The following SPEG variants were observed in gnomAD, a reference collection of about 807,000 sequenced individuals.
SPEG encodes the protein striated muscle preferentially expressed protein kinase.
A neutral mutation model predicts 300.4 loss-of-function variants in SPEG; 114 were observed. The observed-to-expected ratio is 0.38, with a 90% CI of 0.33 to 0.44. The LOEUF (loss-of-function observed/expected upper bound fraction) is 0.44, where lower values mean the gene tolerates loss of function less well. Among genes scored for constraint, SPEG ranks in the 20% least tolerant of loss-of-function variants. The pLI, the probability that SPEG is intolerant of heterozygous loss-of-function variation, is 1.00. For missense variants in SPEG, 4,201 were observed against 4,586.2 expected (o/e 0.92, Z 2.43); for synonymous variants, 1,964 against 2,018.9 (o/e 0.97, Z 0.73).
chr2:219,485,003 C>G lies in SPEG; in HGVS notation c.7540C>G (p.Gln2514Glu). Residue 2514 changes from glutamine to glutamate, a missense_variant, in exon 30 of 41, where the codon CAG becomes GAG. Transcript: ENST00000312358. ...CCTTCCGCACAACCAGTTGGCCGCCCAGGCCGGCGCCACCACGCCTTCCGC... is the reference window on the plus strand; with the variant it reads ...CCTTCCGCACAACCAGTTGGCCGCCGAGGCCGGCGCCACCACGCCTTCCGC... The part of the protein sequence containing the change: ...LGLPHNQLAA[Q>E]AGATTPSAES... 2 of 1,531,470 alleles carry G rather than the reference C, an allele frequency of 1.3e-6. No homozygotes were observed. The highest frequency in any genetic ancestry group is 2.4e-5 in the South Asian group (2 of 83,800). The allele number at this position is 1,531,470 out of a possible 1,614,324, so 94.9% of individuals were successfully genotyped here. A position where few individuals can be genotyped will look rare whatever the true frequency, so the allele number is the denominator to read the frequency against.
rs1002453520 is a variant in SPEG at position 219,448,841 on chromosome 2, G to A, written c.1683G>A (p.Ala561=). The change falls in exon 4 of 41, where the codon GCG becomes GCA. Residue 561 remains alanine (A), a synonymous_variant. Coordinates refer to ENST00000312358, the MANE Select transcript of SPEG (RefSeq NM_005876.5). The part of the protein sequence containing the change: ...AAAQPPSPSS[A]EKPGDEPGRP... ...CCCAGCCGCCCTCTCCGAGCAGCGCGGAGAAGCCGGGGGACGAGCCTGGGA... is the reference window on the plus strand; with the variant it reads ...CCCAGCCGCCCTCTCCGAGCAGCGCAGAGAAGCCGGGGGACGAGCCTGGGA... The A allele has an allele frequency of 1.8e-5, 25 of 1,400,540 alleles. No homozygotes were observed. The highest frequency in any genetic ancestry group is 1.3e-4 in the Admixed American group (4 of 30,510). The allele number at this position is 1,400,540 out of a possible 1,614,324, so 86.8% of individuals were successfully genotyped here.
Position 219,472,974 on chromosome 2 carries a change from C to G in SPEG, c.4025C>G (p.Pro1342Arg). ...WTALVTGLRE[P>R]GWAATGLRKG... ...GCACTGGTCACAGGCCTGCGGGAGC[C>G]AGGGTGGGCAGCCACAGGGCTGCGT... Residue 1342 changes from proline to arginine, a missense_variant, in exon 16 of 41, where the codon CCA (proline) becomes CGA (arginine). Pro to Arg is a moderately radical substitution (Grantham distance 103). Coordinates refer to ENST00000312358, the MANE Select transcript of SPEG (RefSeq NM_005876.5). 1 of 1,613,840 alleles carries G rather than the reference C, an allele frequency of 6.2e-7. No individual in the cohort carries two copies. The highest frequency in any genetic ancestry group is 8.5e-7 in the Non-Finnish European group (1 of 1,180,018).
rs1691106495 is a variant in SPEG, at chr2:219,464,800, A to G, written c.2881+192A>G. On this transcript the variant is annotated intron_variant, in intron 9 of 40. Coordinates refer to ENST00000312358, the MANE Select transcript of SPEG (RefSeq NM_005876.5). This position sits in a 1 kb window ranked among gnomAD's most constrained non-coding sequence, Gnocchi z 4.5. ...CAGGAAGTGACCTGCCCAAAGCTGC[A>G]CAGCACATTGTTCCGTGCTCAGCTT... 3 of 593,760 alleles carry G rather than the reference A, an allele frequency of 5.1e-6. No individual in the cohort carries two copies. The highest frequency in any genetic ancestry group is 9.0e-6 in the Non-Finnish European group (3 of 334,142). The allele number at this position is 593,760 out of a possible 1,614,324, so 36.8% of individuals were successfully genotyped here. A position where few individuals can be genotyped will look rare whatever the true frequency, so the allele number is the denominator to read the frequency against.
chr2:219,440,559 T>C (rs1489735923), intron 1 of SPEG, among the ~76,000 whole-genome samples: 1 of 133,604 alleles, frequency 7.5e-6, no homozygotes, highest in Non-Finnish European at 1.6e-5. Context: ...GTATTTATTT[T>C]ATTTTATTTA....
intron 4 of SPEG, among the ~76,000 whole-genome samples, chr2:219,450,514 G>A (rs1355714427): frequency 1.3e-5 from 2 of 152,210 alleles, no homozygotes; most frequent in Non-Finnish European, 2.9e-5. Flanking sequence ...CCTGTAAGCA[G>A]GGACCACTGG....
In SPEG at chr2:219,444,622, G is replaced by T. The variant is rs960550780; in HGVS notation, c.389-31G>T. ...AAGAGTTGGAGGCAGAGGGAGGAGG[G>T]CCCTGCCCACACAGACCCCTTCTTC... is the stretch of plus-strand genomic sequence containing the variant. On this transcript the variant is annotated intron_variant, in intron 1 of 40. Coordinates refer to ENST00000312358, the MANE Select transcript of SPEG (RefSeq NM_005876.5). The surrounding 1 kb of genome is among the most constrained non-coding windows in gnomAD (Gnocchi z 7.8). 1 of 1,589,770 alleles carries T rather than the reference G, an allele frequency of 6.3e-7. No homozygotes were observed. Among genetic ancestry groups the T allele is most frequent in the Non-Finnish European group, 8.6e-7 (1 of 1,158,334 alleles).
intron 10 of SPEG, among the ~76,000 whole-genome samples, chr2:219,468,303 G>A (rs1320499373): frequency 6.6e-6 from 1 of 152,084 alleles, no homozygotes; most frequent in Admixed American, 6.5e-5. Flanking sequence ...GGTGAGGGGA[G>A]GAGGGGGGAG....
In SPEG at chr2:219,480,769, C is replaced by T. The variant is rs931977066; in HGVS notation, c.5369+72C>T. The T allele has an allele frequency of 2.0e-5, 29 of 1,435,478 alleles. No homozygotes were observed. The African/African-American group carries it at 3.5e-4, about 17-fold the overall frequency. The allele number at this position is 1,435,478 out of a possible 1,614,324, so 88.9% of individuals were successfully genotyped here. A position where few individuals can be genotyped will look rare whatever the true frequency, so the allele number is the denominator to read the frequency against. ...CCCTAACCTTTGCAGGGCTGCAGCC[C>T]ACCCCCTTCTCTTCCGCACCCCCCA... On this transcript the variant is annotated intron_variant, in intron 26 of 40. Transcript: ENST00000312358. This position sits in a 1 kb window ranked among gnomAD's most constrained non-coding sequence, Gnocchi z 5.3.
chr2:219,443,505 G>A lies in SPEG; in HGVS notation c.389-1148G>A. Reference sequence around the variant, plus strand: ...TGAGGCACAGAACCTGCTAGAATCTGGGAAAGTTGAAAATACTCCCAGGAA... The same window carrying A: ...TGAGGCACAGAACCTGCTAGAATCTAGGAAAGTTGAAAATACTCCCAGGAA... On this transcript the variant is annotated intron_variant, in intron 1 of 40. Coordinates refer to ENST00000312358, the MANE Select transcript of SPEG (RefSeq NM_005876.5). The surrounding 1 kb of genome is among the most constrained non-coding windows in gnomAD (Gnocchi z 4.6). 2.8e-6 allele frequency: 1 copy of A among 359,954 alleles called. No individual in the cohort carries two copies. The highest frequency in any genetic ancestry group is 5.2e-6 in the Non-Finnish European group (1 of 192,942). The allele number at this position is 359,954 out of a possible 1,614,324, so 22.3% of individuals were successfully genotyped here.
In SPEG at chr2:219,443,743, GGTGTGTGTGTGTGTGTGTGCAT is replaced by G; in HGVS notation, c.389-898_389-877del. ...TCTGCGGCTGGACTGGACACAAGCA[GGTGTGTGTGTGTGTGTGTGCAT>G]GTGTGTGTGTGGCCAGTGGCAGCAC... On this transcript the variant is annotated intron_variant, in intron 1 of 40. Transcript: ENST00000312358. The surrounding 1 kb of genome is among the most constrained non-coding windows in gnomAD (Gnocchi z 4.6). 3 of 325,482 alleles carry G rather than the reference GGTGTGTGTGTGTGTGTGTGCAT, an allele frequency of 9.2e-6. No homozygotes were observed. Among genetic ancestry groups the G allele is most frequent in the South Asian group, 7.1e-5 (3 of 42,330 alleles). 20.2% of individuals were successfully genotyped at this position (325,482 alleles called of 1,614,324 possible).
chr2:219,484,341 G>C lies in SPEG; in HGVS notation c.6878G>C (p.Arg2293Pro). The C allele has an allele frequency of 6.2e-7, 1 of 1,604,444 alleles. No individual in the cohort carries two copies. Among genetic ancestry groups the C allele is most frequent in the East Asian group, 2.2e-5 (1 of 44,690 alleles). Residue 2293 changes from arginine to proline, a missense_variant, in exon 30 of 41, where the codon CGC (arginine) becomes CCC (proline). Transcript: ENST00000312358. ...ASPPPGAPEK[R>P]VPSAGGPPVL... Reference sequence around the variant, plus strand: ...CCACCTCCGGGAGCCCCCGAGAAGCGCGTGCCCTCAGCCGGGGGTCCCCCG... The same window carrying C: ...CCACCTCCGGGAGCCCCCGAGAAGCCCGTGCCCTCAGCCGGGGGTCCCCCG...
intron 1 of SPEG, 72 bp downstream of exon 1, chr2:219,435,437 C>A: frequency 7.0e-7 from 1 of 1,437,732 alleles, no homozygotes; most frequent in South Asian, 1.4e-5. Flanking sequence ...GCCCAGGCCA[C>A]GCGGGTAAGG....
Position 219,483,645 on chromosome 2 carries a change from G to A in SPEG, c.6182G>A (p.Gly2061Asp). 1 of 1,528,016 alleles carries A rather than the reference G, an allele frequency of 6.5e-7. No individual in the cohort carries two copies. The highest frequency in any genetic ancestry group is 8.7e-7 in the Non-Finnish European group (1 of 1,144,552). 94.7% of individuals were successfully genotyped at this position (1,528,016 alleles called of 1,614,324 possible). ...CTGGCCCGGGGAGGCCTGGGTGAGG[G>A]CGAGTATGCCCAGAGGCTGCAGGCC... ...TRLARGGLGE[G>D]EYAQRLQALR... Residue 2061 changes from glycine to aspartate, a missense_variant, in exon 30 of 41, where the codon GGC becomes GAC. Physicochemically the swap from Gly to Asp is moderately conservative, Grantham distance 94. Transcript: ENST00000312358.
Position 219,444,878 on chromosome 2 carries a change from A to G in SPEG, c.532A>G (p.Thr178Ala), listed in dbSNP as rs1488187281. The part of the protein sequence containing the change: ...TSLDTPPTSV[T>A]GTSEEQVSWW... ...CCTGGACACACCCCCGACCTCCGTG[A>G]CAGGCACCTCAGAGGAGCAAGTGAG... The change falls in exon 3 of 41, where the codon ACA becomes GCA. Residue 178 changes from threonine (T) to alanine (A), a missense_variant. By Grantham distance (58) the Thr-to-Ala change is moderately conservative. Transcript: ENST00000312358. This position sits in a 1 kb window ranked among gnomAD's most constrained non-coding sequence, Gnocchi z 7.8. The G allele has an allele frequency of 6.4e-7, 1 of 1,569,144 alleles. No individual in the cohort carries two copies.
chr2:219,481,177 C>G lies in SPEG; in HGVS notation c.5370-127C>G. ...GAGAGTCCGCAGCCTCACCTCTTAC[C>G]CACATTTGCCCAGCCTCTGTCATCC... is the stretch of plus-strand genomic sequence containing the variant. On this transcript the variant is annotated intron_variant, in intron 26 of 40. Transcript: ENST00000312358. This position sits in a 1 kb window ranked among gnomAD's most constrained non-coding sequence, Gnocchi z 5.4. 9.8e-7 allele frequency: 1 copy of G among 1,019,108 alleles called. No individual in the cohort carries two copies. The highest frequency in any genetic ancestry group is 1.5e-6 in the Non-Finnish European group (1 of 679,482). 63.1% of individuals were successfully genotyped at this position (1,019,108 alleles called of 1,614,324 possible).
chr2:219,452,533 CA>C lies in SPEG; in HGVS notation c.2440+727del, dbSNP rs556080781. ...TGGGGTTCGGGGAGGTGAGGATGGT[CA>C]GGGGGTATTACAGAAGGAAAACACA... On this transcript the variant is annotated intron_variant, in intron 6 of 40. Transcript: ENST00000312358. Among the ~76,000 whole-genome samples the C allele has an allele frequency of 6.6e-5, 10 of 152,082 alleles. No individual in the cohort carries two copies. In the South Asian group the frequency reaches 2.1e-3, roughly 32 times the overall value.
rs1452292712 is a variant in SPEG at position 219,484,399 on chromosome 2, GC to G, written c.6942del (p.Arg2315GlyfsTer38). 1.2e-6 allele frequency: 2 copies of G among 1,608,564 alleles called. No homozygotes were observed. The part of the protein sequence containing the change: ...LAEKARVPTV[P>X]PRPGSSLSSS... ...CCGAGAAAGCCCGAGTTCCCACGGT[GC>G]CCCCCAGGCCAGGCAGCAGTCTCAG... On this transcript the variant is annotated frameshift_variant, in exon 30 of 41. Coordinates refer to ENST00000312358, the MANE Select transcript of SPEG (RefSeq NM_005876.5). LOFTEE classifies it high-confidence loss of function.
intron 1 of SPEG, among the ~76,000 whole-genome samples, chr2:219,435,906 C>G (rs966859805): frequency 6.6e-6 from 1 of 152,144 alleles, no homozygotes; most frequent in African/African-American, 2.4e-5. Flanking sequence ...TGGTTGGCCA[C>G]GTGTGAACAG....
chr2:219,443,933 G>A lies in SPEG; in HGVS notation c.389-720G>A, dbSNP rs1357677646. ...CACCTCTGGGGACTGGGTGCCTCAC[G>A]CCCCTTCTGTCTTGACTGCCCTCCA... is the stretch of plus-strand genomic sequence containing the variant. On this transcript the variant is annotated intron_variant, in intron 1 of 40. Transcript: ENST00000312358. This position sits in a 1 kb window ranked among gnomAD's most constrained non-coding sequence, Gnocchi z 4.6. 12 of 1,052,970 alleles carry A rather than the reference G, an allele frequency of 1.1e-5. No individual in the cohort carries two copies. Among genetic ancestry groups the A allele is most frequent in the East Asian group, 5.6e-5 (1 of 17,938 alleles). 65.2% of individuals were successfully genotyped at this position (1,052,970 alleles called of 1,614,324 possible).
Sources: gnomAD v4.1 joint callset for allele counts (sites outside exome capture counted in the v4.1 genomes callset) on GRCh38, gnomAD v4.1.1 for gene constraint, Gnocchi (gnomAD v3.1) non-coding constraint, MANE v1.5 for transcripts, NCBI Gene and HGNC (gene_info 2026-07-23, HGNC 2026-07-21) for gene names.